Variants in RAP1A observed in about 807,000 individuals in gnomAD.
The protein encoded by RAP1A is ras-related protein Rap-1A.
RAP1A carries 6 observed loss-of-function variants against 26.4 expected under a neutral mutation model. The observed-to-expected ratio is 0.23, with a 90% CI of 0.12 to 0.45. RAP1A has a LOEUF of 0.45. RAP1A is among the 20% of genes least tolerant of loss of function. The pLI is 0.99. For synonymous variants in RAP1A, 73 were observed against 79.4 expected (o/e 0.92, Z 0.43); for missense variants, 121 against 217.2 (o/e 0.56, Z 2.78).
rs1221750647 is a variant in RAP1A, at chr1:111,715,143, C to T, written c.*2742C>T. On this transcript the variant is annotated 3_prime_UTR_variant, in exon 8 of 8. Transcript: ENST00000369709. The stretch of plus-strand genomic sequence containing the variant: ...TCGCCCAGGCTAGAGTGCAATGGCT[C>T]AGTCTCCGCTCACTGCAACCTCTGC... 1 of 151,668 alleles carries T rather than the reference C, an allele frequency of 6.6e-6. No homozygotes were observed. The highest frequency in any genetic ancestry group is 1.5e-5 in the Non-Finnish European group (1 of 68,044). 9.4% of individuals were successfully genotyped at this position (151,668 alleles called of 1,614,324 possible).
chr1:111,676,137 C>T (rs1201476885), intron 1 of RAP1A, among the ~76,000 whole-genome samples: 1 of 152,150 alleles, frequency 6.6e-6, no homozygotes, highest in African/African-American at 2.4e-5. Context: ...ACAGGCGGAT[C>T]ATGAGGTCAG....
Position 111,563,762 on chromosome 1 carries a change from G to T in RAP1A, c.-28+21253G>T, listed in dbSNP as rs17027995. 8,363 of 973,306 alleles carry T rather than the reference G, an allele frequency of 8.6e-3. 454 individuals are homozygous for T. The African/African-American group carries it at 0.12, about 14-fold the overall frequency. The allele number at this position is 973,306 out of a possible 1,614,324, so 60.3% of individuals were successfully genotyped here. On this transcript the variant is annotated intron_variant, in intron 1 of 7. Coordinates refer to the RAP1A transcript ENST00000356415. Reference sequence around the variant, plus strand: ...GATTAAGTAGCTTGCCCCATATCATGAATAAATGTTCCAAAGTGGTCAGTA... The same window carrying T: ...GATTAAGTAGCTTGCCCCATATCATTAATAAATGTTCCAAAGTGGTCAGTA...
intron 1 of RAP1A, among the ~76,000 whole-genome samples, chr1:111,665,947 C>A (rs1269194389): frequency 6.6e-6 from 1 of 152,046 alleles, no homozygotes; most frequent in Non-Finnish European, 1.5e-5. Context: ...ATTTTAGTAA[C>A]CTTTGGGTTT....
chr1:111,681,216 C>T (rs535967333), intron 1 of RAP1A, among the ~76,000 whole-genome samples: 18 of 152,154 alleles, frequency 1.2e-4, no homozygotes, highest in Non-Finnish European at 1.9e-4. Flanking sequence ...TCATTGCACT[C>T]CAGCCTGGAC....
At chr1:111,669,102 C>T (rs975860565) in intron 1 of RAP1A, among the ~76,000 whole-genome samples, 1 of 148,774 alleles carries the variant, frequency 6.7e-6, no homozygotes, top group Non-Finnish European at 1.5e-5. Context: ...ACAGGCTTAA[C>T]AATAGATTAT....
chr1:111,619,872 GGGA>G lies in RAP1A; in HGVS notation c.-72_-70del, dbSNP rs949595270. The G allele has an allele frequency of 3.1e-4, 121 of 394,628 alleles. No individual in the cohort carries two copies. Among genetic ancestry groups the G allele is most frequent in the Admixed American group, 6.3e-4 (14 of 22,266 alleles). 24.4% of individuals were successfully genotyped at this position (394,628 alleles called of 1,614,324 possible). A position where few individuals can be genotyped will look rare whatever the true frequency, so the allele number is the denominator to read the frequency against. On this transcript the variant is annotated 5_prime_UTR_variant, in exon 1 of 8. Coordinates refer to ENST00000369709, the MANE Select transcript of RAP1A (RefSeq NM_002884.4). ...GGAGCAGGAGCCACGGCCGAGAGGAGGGAGGAGGAGGAGGAGGAGGTGGAGGAG... is the reference window on the plus strand; with the variant it reads ...GGAGCAGGAGCCACGGCCGAGAGGAGGGAGGAGGAGGAGGAGGTGGAGGAG...
intron 1 of RAP1A, among the ~76,000 whole-genome samples, chr1:111,641,157 A>C (rs1659879005): frequency 6.6e-6 from 1 of 152,174 alleles, no homozygotes; most frequent in Non-Finnish European, 1.5e-5. Context: ...AGAAATAATT[A>C]GTTTTCTTTT....
At chr1:111,640,511 T>G (rs1046883271) in intron 1 of RAP1A, among the ~76,000 whole-genome samples, 1 of 152,176 alleles carries the variant, frequency 6.6e-6, no homozygotes, top group African/African-American at 2.4e-5. Flanking sequence ...AGTTGAGAGA[T>G]TTTTATGTTT....
chr1:111,704,607 G>C, intron 6 of RAP1A, 121 bp downstream of exon 6: 1 of 1,041,510 alleles, frequency 9.6e-7, no homozygotes, highest in African/African-American at 1.6e-5. Flanking sequence ...AATTTTATAG[G>C]AAACACTAAG....
intron 1 of RAP1A, among the ~76,000 whole-genome samples, chr1:111,688,767 C>A (rs1054759281): frequency 3.8e-4 from 55 of 145,756 alleles, no homozygotes; most frequent in African/African-American, 1.3e-3. Flanking sequence ...AGGAGGGGGG[C>A]TCATTGAGTT....
At position 111,713,858 on chromosome 1, in the gene RAP1A, G is replaced by A. The variant is rs533758534; in HGVS notation, c.*1457G>A. 1 of 152,260 alleles carries A rather than the reference G, an allele frequency of 6.6e-6. No homozygotes were observed. Among genetic ancestry groups the A allele is most frequent in the South Asian group, 2.1e-4 (1 of 4,834 alleles). The allele number at this position is 152,260 out of a possible 1,614,324, so 9.4% of individuals were successfully genotyped here. On this transcript the variant is annotated 3_prime_UTR_variant, in exon 8 of 8. Coordinates refer to ENST00000369709, the MANE Select transcript of RAP1A (RefSeq NM_002884.4). ...AAAGCTTGTTAGCCAATTAAGTTCTGGAAAAGGAAAGAAACAAGCTTAGAA... is the reference window on the plus strand; with the variant it reads ...AAAGCTTGTTAGCCAATTAAGTTCTAGAAAAGGAAAGAAACAAGCTTAGAA...
rs889283476 is a variant in RAP1A at position 111,716,611 on chromosome 1, C to T, written c.*4210C>T. The T allele has an allele frequency of 9.9e-5, 15 of 152,166 alleles. No individual in the cohort carries two copies. Among genetic ancestry groups the T allele is most frequent in the African/African-American group, 3.4e-4 (14 of 41,440 alleles). The allele number at this position is 152,166 out of a possible 1,614,324, so 9.4% of individuals were successfully genotyped here. A position where few individuals can be genotyped will look rare whatever the true frequency, so the allele number is the denominator to read the frequency against. The stretch of plus-strand genomic sequence containing the variant: ...TGGGCCCAAGGTGTGACATACATTT[C>T]CCACTAATTGCTTCTCTCAAGAAGC... On this transcript the variant is annotated 3_prime_UTR_variant, in exon 8 of 8. Transcript: ENST00000369709.
intron 1 of RAP1A, among the ~76,000 whole-genome samples, chr1:111,606,410 A>G (rs1030558383): frequency 1.3e-5 from 2 of 152,224 alleles, no homozygotes; most frequent in African/African-American, 2.4e-5. Flanking sequence ...GAGAATGCTT[A>G]TTCTCCTGGC....
intron 1 of RAP1A, among the ~76,000 whole-genome samples, chr1:111,646,753 A>G (rs1226245453): frequency 6.6e-6 from 1 of 152,052 alleles, no homozygotes; most frequent in African/African-American, 2.4e-5. Flanking sequence ...GTTAGCCAGG[A>G]TTGTCTCGAT....
At chr1:111,543,277 A>AAT (rs143470844) in intron 1 of RAP1A, among the ~76,000 whole-genome samples, 21 of 151,680 alleles carry the variant, frequency 1.4e-4, no homozygotes, top group East Asian at 3.9e-4. Context: ...GTGTTGTATA[A>AAT]ATATATATAT....
intron 1 of RAP1A, among the ~76,000 whole-genome samples, chr1:111,635,038 T>C (rs925154050): frequency 2.0e-5 from 3 of 152,204 alleles, no homozygotes; most frequent in African/African-American, 7.2e-5. Context: ...ATAAAGATTC[T>C]TAGGTGATAA....
intron 1 of RAP1A, among the ~76,000 whole-genome samples, chr1:111,563,480 G>A (rs953340792): frequency 1.3e-5 from 2 of 152,092 alleles, no homozygotes; most frequent in Non-Finnish European, 2.9e-5. Context: ...AGGGACATTC[G>A]GGAGAAACGA....
chr1:111,571,633 T>A (rs1658050472), intron 1 of RAP1A, among the ~76,000 whole-genome samples: 2 of 152,310 alleles, frequency 1.3e-5, no homozygotes, highest in Non-Finnish European at 2.9e-5. Context: ...ACACAGATTC[T>A]TAATTAAACA....
intron 1 of RAP1A, among the ~76,000 whole-genome samples, chr1:111,659,726 A>G (rs1185923015): frequency 6.6e-6 from 1 of 151,642 alleles, no homozygotes; most frequent in Non-Finnish European, 1.5e-5. Context: ...TGAACATTTT[A>G]TGTTACTTCA....
Sources: allele counts gnomAD v4.1 joint callset (sites outside exome capture counted in the v4.1 genomes callset), GRCh38; gene constraint gnomAD v4.1.1; transcripts MANE v1.5; gene names NCBI Gene and HGNC (gene_info 2026-07-23, HGNC 2026-07-21).